Variants in SYNE2 observed in about 807,000 individuals in gnomAD.
SYNE2 encodes the protein nesprin-2.
SYNE2 carries 431 observed loss-of-function variants against 856.3 expected under a neutral mutation model. The ratio of observed to expected loss-of-function variants is 0.50; its 90% CI spans 0.47 to 0.55. SYNE2 has a LOEUF of 0.55. SYNE2 is among the 20% of genes least tolerant of loss of function. SYNE2 has a pLI of 0.00. For missense variants in SYNE2, 8,129 were observed against 8,023.2 expected (o/e 1.01, Z -0.50); for synonymous variants, 2,923 against 2,872.3 (o/e 1.02, Z -0.56).
At chr14:63,883,060 T>A (rs929958478) in intron 1 of SYNE2, among the ~76,000 whole-genome samples, 36 of 152,060 alleles carry the variant, frequency 2.4e-4, no homozygotes, top group Non-Finnish European at 4.7e-4. Flanking sequence ...TTTTACATTT[T>A]ATTTATTTAT....
In SYNE2 at chr14:64,192,375, T is replaced by G. The variant is rs945203545; in HGVS notation, c.18038+2138T>G. Among the ~76,000 whole-genome samples, 3 of 152,196 alleles carry G rather than the reference T, an allele frequency of 2.0e-5. No individual in the cohort carries two copies. In the South Asian group the frequency reaches 6.2e-4, roughly 32 times the overall value. On this transcript the variant is annotated intron_variant, in intron 99 of 115. Transcript: ENST00000555002. ...ACAGGATCAAGATCTAGCTAATGTT[T>G]CCTGAAGGTTAGAATGACAGTCCAT...
intron 1 of SYNE2, among the ~76,000 whole-genome samples, chr14:63,899,828 GA>G (rs1256452436): frequency 1.3e-5 from 2 of 152,160 alleles, no homozygotes; most frequent in African/African-American, 4.8e-5. Flanking sequence ...CTAGTATGGT[GA>G]CTAGCTTTTA....
chr14:63,840,418 C>G (rs1890016944), intron 1 of SYNE2, among the ~76,000 whole-genome samples: 2 of 77,770 alleles, frequency 2.6e-5, no homozygotes, highest in African/African-American at 7.4e-5. Flanking sequence ...TTCCTTCCTT[C>G]CTTCCTTCCT....
At chr14:63,816,330 G>A (rs1704108254) in intron 1 of SYNE2, among the ~76,000 whole-genome samples, 1 of 152,094 alleles carries the variant, frequency 6.6e-6, no homozygotes, top group Non-Finnish European at 1.5e-5. Context: ...CATTTAAGTG[G>A]ACTGAACTAT....
At chr14:63,794,960 G>A (rs1225745227) in intron 1 of SYNE2, among the ~76,000 whole-genome samples, 5 of 152,268 alleles carry the variant, frequency 3.3e-5, no homozygotes, top group Admixed American at 6.5e-5. Flanking sequence ...TATGTGAACC[G>A]TTTTTATTTG....
intron 1 of SYNE2, among the ~76,000 whole-genome samples, chr14:63,826,403 G>A (rs952236656): frequency 1.3e-5 from 2 of 152,086 alleles, no homozygotes; most frequent in African/African-American, 2.4e-5. Flanking sequence ...AGGTTCAAGC[G>A]ATTCTCCTGC....
intron 77 of SYNE2, among the ~76,000 whole-genome samples, chr14:64,133,602 A>T (rs1026616966): frequency 6.6e-6 from 1 of 152,292 alleles, no homozygotes; most frequent in East Asian, 1.9e-4. Flanking sequence ...GAGCAGACCT[A>T]TGCTGCAAGT....
intron 30 of SYNE2, among the ~76,000 whole-genome samples, chr14:64,005,092 G>A (rs550979740): frequency 6.6e-6 from 1 of 152,294 alleles, no homozygotes; most frequent in East Asian, 1.9e-4. Context: ...GAGGTGAGAA[G>A]GTGCAGCAGT....
chr14:64,126,549 C>G (rs1378911262), intron 72 of SYNE2, 49 bp from the exon 73 acceptor site: 2 of 1,614,102 alleles, frequency 1.2e-6, no homozygotes, highest in East Asian at 2.2e-5. Flanking sequence ...CACGTGGAAG[C>G]CTCTTGAGGT....
At chr14:64,168,758 A>AATTATTGAAAATTTGAT (rs2098395972) in intron 92 of SYNE2, 119 bp from the exon 93 acceptor site, 1 of 733,726 alleles carries the variant, frequency 1.4e-6, no homozygotes, top group African/African-American at 1.8e-5. Context: ...TTCAAATAAT[A>AATTATTGAAAATTTGAT]TGAAAATTAA....
rs2096925418 is a variant in SYNE2 at position 64,020,111 on chromosome 14, A to G, written c.5151+18A>G. On this transcript the variant is annotated intron_variant, in intron 35 of 115. Coordinates refer to ENST00000555002, the MANE Select transcript of SYNE2 (RefSeq NM_182914.3). Reference sequence around the variant, plus strand: ...AATTGCAGGTAAGAATTTTTATTTAAAAGTTTCAGTTATTGAGGCTTCAGT... The same window carrying G: ...AATTGCAGGTAAGAATTTTTATTTAGAAGTTTCAGTTATTGAGGCTTCAGT... 2 of 1,567,536 alleles carry G rather than the reference A, an allele frequency of 1.3e-6. No individual in the cohort carries two copies. The highest frequency in any genetic ancestry group is 4.5e-5 in the East Asian group (2 of 44,640).
chr14:64,093,352 G>A lies in SYNE2; in HGVS notation c.11980G>A (p.Val3994Ile). Residue 3994 changes from valine (V) to isoleucine (I), a missense_variant, in exon 61 of 116, where the codon GTC (valine) becomes ATC (isoleucine). Physicochemically the swap from Val to Ile is conservative, Grantham distance 29. Around this residue, in one of 3 missense-constraint regions of SYNE2, gnomAD observed 5,410 missense variants for 5,284.8 expected, o/e 1.02. Transcript: ENST00000555002. ...TQEQNELLKV[V>I]IKQTNEWDEE... ...TTTTGTGGGGGTTATTTTATAGGTA[G>A]TCATAAAACAGACCAATGAATGGGA... 6.2e-7 allele frequency: 1 copy of A among 1,613,738 alleles called. No homozygotes were observed. The highest frequency in any genetic ancestry group is 8.5e-7 in the Non-Finnish European group (1 of 1,179,710).
chr14:64,071,851 T>G (rs1461650101), intron 52 of SYNE2, among the ~76,000 whole-genome samples: 1 of 152,086 alleles, frequency 6.6e-6, no homozygotes, highest in Non-Finnish European at 1.5e-5. Flanking sequence ...ACCCCGTCTC[T>G]ACTAAAAATA....
At chr14:63,803,546 C>T (rs950153459) in intron 1 of SYNE2, among the ~76,000 whole-genome samples, 1 of 152,200 alleles carries the variant, frequency 6.6e-6, no homozygotes, top group Non-Finnish European at 1.5e-5. Context: ...CAGGGCTGGC[C>T]GGCTGCTCCG....
chr14:64,033,213 C>CT (rs2153548863), intron 45 of SYNE2, among the ~76,000 whole-genome samples: 1 of 152,202 alleles, frequency 6.6e-6, no homozygotes. Flanking sequence ...TAACTCAGTG[C>CT]TTTCTATGAG....
chr14:63,893,457 A>G (rs984421919), intron 1 of SYNE2, among the ~76,000 whole-genome samples: 1 of 152,080 alleles, frequency 6.6e-6, no homozygotes, highest in Admixed American at 6.6e-5. Flanking sequence ...AGTCCCATCT[A>G]CTCAGGAGGC....
chr14:64,194,254 C>CT (rs1235222769), intron 99 of SYNE2, among the ~76,000 whole-genome samples: 5 of 151,532 alleles, frequency 3.3e-5, no homozygotes, highest in Admixed American at 2.0e-4. Flanking sequence ...AAGAGTTAAA[C>CT]TTTTTTTATC....
intron 100 of SYNE2, chr14:64,208,019 G>C (rs529224044): frequency 4.4e-6 from 2 of 456,010 alleles, no homozygotes; most frequent in Non-Finnish European, 8.8e-6. Context: ...ATGTTTATTC[G>C]TGAAGAGGTT....
intron 19 of SYNE2, 51 bp downstream of exon 19, chr14:63,986,668 T>C (rs781314951): frequency 6.3e-7 from 1 of 1,588,400 alleles, no homozygotes; most frequent in South Asian, 1.1e-5. Context: ...TGCATTTATG[T>C]TTTAAGTTAA....
Sources: allele counts gnomAD v4.1 joint callset (sites outside exome capture counted in the v4.1 genomes callset), GRCh38; gene constraint gnomAD v4.1.1; regional missense constraint gnomAD v4.1.1; transcripts MANE v1.5; gene names NCBI Gene and HGNC (gene_info 2026-07-23, HGNC 2026-07-21).